The following TTN variants were observed in gnomAD, a reference collection of about 807,000 sequenced individuals.
The protein encoded by TTN is connectin.
Under a neutral mutation model 3,223.0 loss-of-function variants are expected in TTN, and 1,525 were observed. The ratio of observed to expected loss-of-function variants is 0.47; its 90% CI spans 0.45 to 0.49. The LOEUF (loss-of-function observed/expected upper bound fraction) is 0.49, where lower values mean the gene tolerates loss of function less well. Among genes scored for constraint, TTN ranks in the 20% least tolerant of loss-of-function variants. The pLI is 0.00. For missense variants in TTN, 40,786 were observed against 43,424.0 expected (o/e 0.94, Z 5.40); for synonymous variants, 14,094 against 15,161.0 (o/e 0.93, Z 5.17).
rs1553623071 is a variant in TTN, at chr2:178,580,008, GGAA to G, written c.67276_67278del (p.Phe22426del). Reference sequence around the variant, plus strand: ...CCATACTCATTTTCAGCAAACACTCGGAAGAAGTAGGATTTTCCCTCCTCCAAA... The same window carrying G: ...CCATACTCATTTTCAGCAAACACTCGGAAGTAGGATTTTCCCTCCTCCAAA... On this transcript the variant is annotated inframe_deletion, in exon 318 of 363. Transcript: ENST00000589042. The G allele has an allele frequency of 5.0e-6, 8 of 1,613,274 alleles. No homozygotes were observed. Among genetic ancestry groups the G allele is most frequent in the Non-Finnish European group, 6.8e-6 (8 of 1,179,496 alleles).
chr2:178,638,013 CA>C (rs1215132131), intron 223 of TTN, among the ~76,000 whole-genome samples: 3 of 151,968 alleles, frequency 2.0e-5, no homozygotes, highest in African/African-American at 7.2e-5. Context: ...AATACAGGGA[CA>C]GTATAAACTG....
Position 178,725,358 on chromosome 2 carries a change from T to C in TTN, c.20836+10A>G, listed in dbSNP as rs2079156632. The C allele has an allele frequency of 1.3e-6, 2 of 1,502,222 alleles. No homozygotes were observed. Among genetic ancestry groups the C allele is most frequent in the East Asian group, 2.3e-5 (1 of 42,612 alleles). The allele number at this position is 1,502,222 out of a possible 1,614,324, so 93.1% of individuals were successfully genotyped here. A position where few individuals can be genotyped will look rare whatever the true frequency, so the allele number is the denominator to read the frequency against. On this transcript the variant is annotated intron_variant, in intron 71 of 362. Transcript: ENST00000589042. The stretch of plus-strand genomic sequence containing the variant: ...TGGCACCAGTTTCTATCGTGGGCTA[T>C]TGTACCAACCTAAGACCATCAGTGT...
chr2:178,561,762 C>T lies in TTN; in HGVS notation c.84370G>A (p.Glu28124Lys), dbSNP rs1295072546. The part of the protein sequence containing the change: ...IKIVRLTTGS[E>K]YQFRVCAENR... Reference sequence around the variant, plus strand: ...TCTGCACAAACACGGAACTGATACTCACTTCCTGTTGTCAGGCGAACTATT... The same window carrying T: ...TCTGCACAAACACGGAACTGATACTTACTTCCTGTTGTCAGGCGAACTATT... Residue 28124 changes from glutamate to lysine, a missense_variant, in exon 326 of 363, where the codon GAG (glutamate) becomes AAG (lysine). Physicochemically the swap from Glu to Lys is moderately conservative, Grantham distance 56 (BLOSUM62 1). Coordinates refer to ENST00000589042, the MANE Select transcript of TTN (RefSeq NM_001267550.2). The T allele has an allele frequency of 1.2e-6, 2 of 1,613,612 alleles. No individual in the cohort carries two copies. The highest frequency in any genetic ancestry group is 8.5e-7 in the Non-Finnish European group (1 of 1,179,712).
rs2092244300 is a variant in TTN, at chr2:178,776,505, G to A, written c.5359C>T (p.His1787Tyr). 1 of 1,608,490 alleles carries A rather than the reference G, an allele frequency of 6.2e-7. No individual in the cohort carries two copies. The highest frequency in any genetic ancestry group is 8.5e-7 in the Non-Finnish European group (1 of 1,179,988). Residue 1787 changes from histidine (H) to tyrosine (Y), a missense_variant, in exon 28 of 363, where the codon CAC becomes TAC. Transcript: ENST00000589042. Reference sequence around the variant, plus strand: ...TTAACAATAAGGGTAGCAGATGTGTGATCTGTTCCATATTTGTTAGTGGCT... The same window carrying A: ...TTAACAATAAGGGTAGCAGATGTGTAATCTGTTCCATATTTGTTAGTGGCT... ...CRATNKYGTD[H>Y]TSATLIVKDE...
intron 335 of TTN, 106 bp downstream of exon 335, chr2:178,551,524 G>T: frequency 9.9e-7 from 1 of 1,009,466 alleles, no homozygotes; most frequent in Non-Finnish European, 1.4e-6. Flanking sequence ...CTAGTGACAA[G>T]AAGATATGTA....
chr2:178,541,588 C>A lies in TTN; in HGVS notation c.97493-4G>T, dbSNP rs748295736. ...GTTTCTGGGGGTCCAGGAATACCTG[C>A]AGCAAGACAGAGGTTAACACGATAT... On this transcript the variant is annotated splice_polypyrimidine_tract_variant and splice_region_variant and intron_variant, in intron 349 of 362. Transcript: ENST00000589042. The A allele has an allele frequency of 7.5e-6, 12 of 1,601,556 alleles. No homozygotes were observed. The highest frequency in any genetic ancestry group is 9.4e-6 in the Non-Finnish European group (11 of 1,172,712).
rs1704684984 is a variant in TTN at position 178,564,006 on chromosome 2, G to T, written c.82126C>A (p.Pro27376Thr). ...GCAGTAACTCCAGTAACTTTCAGAGGCCCTTCAGGAGGCCCTGGCCTGTCA... is the reference window on the plus strand; with the variant it reads ...GCAGTAACTCCAGTAACTTTCAGAGTCCCTTCAGGAGGCCCTGGCCTGTCA... The part of the protein sequence containing the change: ...VLDRPGPPEG[P>T]LKVTGVTAEK... The change falls in exon 326 of 363, where the codon CCT becomes ACT. Residue 27376 changes from proline to threonine, a missense_variant. By Grantham distance (38) the Pro-to-Thr change is conservative. Transcript: ENST00000589042. The T allele has an allele frequency of 2.5e-6, 4 of 1,613,576 alleles. No individual in the cohort carries two copies. The highest frequency in any genetic ancestry group is 3.4e-6 in the Non-Finnish European group (4 of 1,179,722).
chr2:178,538,419 T>C, intron 354 of TTN, 121 bp downstream of exon 354: 1 of 977,002 alleles, frequency 1.0e-6, no homozygotes, highest in Non-Finnish European at 1.5e-6. Context: ...GTGTACTTGC[T>C]TTTCTTTCTT....
rs201188767 is a variant in TTN at position 178,547,458 on chromosome 2, C to T, written c.94168G>A (p.Gly31390Ser). 2.5e-6 allele frequency: 4 copies of T among 1,611,472 alleles called. No homozygotes were observed. The highest frequency in any genetic ancestry group is 3.4e-6 in the Non-Finnish European group (4 of 1,178,500). ...GCTGATTCTAGAGGTTTGCTGACACCAAATCTGTTCTCTGAACTGACACGG... is the reference window on the plus strand; with the variant it reads ...GCTGATTCTAGAGGTTTGCTGACACTAAATCTGTTCTCTGAACTGACACGG... Reference protein sequence around the residue: ...SFRVSSENRFGVSKPLESAPI... With the variant: ...SFRVSSENRFSVSKPLESAPI... The change falls in exon 339 of 363, where the codon GGT (glycine) becomes AGT (serine). Residue 31390 changes from glycine to serine, a missense_variant. By Grantham distance (56) the Gly-to-Ser change is moderately conservative. Transcript: ENST00000589042.
rs776995255 is a variant in TTN at position 178,559,573 on chromosome 2, A to G, written c.86559T>C (p.Thr28853=). The G allele has an allele frequency of 1.1e-5, 18 of 1,613,744 alleles. No homozygotes were observed. Among genetic ancestry groups the G allele is most frequent in the Non-Finnish European group, 1.4e-5 (17 of 1,179,778 alleles). The change falls in exon 326 of 363, where the codon ACT becomes ACC. Residue 28853 remains threonine (T), a synonymous_variant. Coordinates refer to ENST00000589042, the MANE Select transcript of TTN (RefSeq NM_001267550.2). ...CAGACTCTTTGGTTACATCTTGCAC[A>G]GTAATGTTGGTTGGAGGACCTGGGG... ...LDTPGPPTNI[T]VQDVTKESAV... is the part of the protein sequence containing the mutation.
intron 127 of TTN, among the ~76,000 whole-genome samples, chr2:178,687,314 C>G (rs1052153654): frequency 3.3e-5 from 5 of 152,088 alleles, no homozygotes; most frequent in Non-Finnish European, 2.9e-5. Flanking sequence ...AGCCAGAATG[C>G]TGGATTTTAG....
rs997612485 is a variant in TTN, at chr2:178,582,408, G to A, written c.66048C>T (p.Ser22016=). ...VSATVPITSC[S]VEKLIEGHEY... ...CATGGCCCTCTATAAGTTTCTCCAC[G>A]CTGCAGCTGGTGATAGGCACAGTTG... The change falls in exon 314 of 363, where the codon AGC becomes AGT. Residue 22016 remains serine, a synonymous_variant. Transcript: ENST00000589042. The A allele has an allele frequency of 1.6e-5, 25 of 1,612,802 alleles. No individual in the cohort carries two copies. Among genetic ancestry groups the A allele is most frequent in the South Asian group, 2.2e-5 (2 of 91,016 alleles).
Position 178,650,960 on chromosome 2 carries a change from T to C in TTN, c.39626-126A>G, listed in dbSNP as rs2562846. On this transcript the variant is annotated intron_variant, in intron 208 of 362. Coordinates refer to ENST00000589042, the MANE Select transcript of TTN (RefSeq NM_001267550.2). Reference sequence around the variant, plus strand: ...TCCAAGAACAAATTTCACAATAAGGTCAGTGATCTGTCTTTGGACCCTCAT... The same window carrying C: ...TCCAAGAACAAATTTCACAATAAGGCCAGTGATCTGTCTTTGGACCCTCAT... The C allele has an allele frequency of 0.025, 26,253 of 1,029,846 alleles. 531 individuals carry two copies. The highest frequency in any genetic ancestry group is 0.09 in the East Asian group (3,448 of 38,508). 63.8% of individuals were successfully genotyped at this position (1,029,846 alleles called of 1,614,324 possible). A position where few individuals can be genotyped will look rare whatever the true frequency, so the allele number is the denominator to read the frequency against.
At chr2:178,637,266 AT>A in intron 224 of TTN, 102 bp downstream of exon 224, 3 of 671,614 alleles carry the variant, frequency 4.5e-6, no homozygotes, top group Non-Finnish European at 6.8e-6. Context: ...ATTAGAAAAA[AT>A]AAAAATTGTT....
At position 178,632,523 on chromosome 2, in the gene TTN, T is replaced by A. The variant is rs1471215133; in HGVS notation, c.43480+3A>T. Reference sequence around the variant, plus strand: ...GGGTGGACTATTTGATAAAACTATTTACCTTCAATGATCAGTTTGCCACTT... The same window carrying A: ...GGGTGGACTATTTGATAAAACTATTAACCTTCAATGATCAGTTTGCCACTT... On this transcript the variant is annotated splice_donor_region_variant and intron_variant, in intron 235 of 362. Coordinates refer to ENST00000589042, the MANE Select transcript of TTN (RefSeq NM_001267550.2). 3 of 1,611,674 alleles carry A rather than the reference T, an allele frequency of 1.9e-6. No individual in the cohort carries two copies. Among genetic ancestry groups the A allele is most frequent in the Admixed American group, 3.4e-5 (2 of 59,678 alleles).
At position 178,620,052 on chromosome 2, in the gene TTN, A is replaced by G. The variant is rs2058037288; in HGVS notation, c.46365T>C (p.Asp15455=). The stretch of plus-strand genomic sequence containing the variant: ...CCCCGCAAGCATATTCACACTCATC[A>G]TCCAGCCTGCAATCTTTTATAATGA... ...HRLIIKDCRL[D]DECEYACGVE... is the part of the protein sequence containing the mutation. The change falls in exon 249 of 363, where the codon GAT becomes GAC. Residue 15455 remains aspartate (D), a synonymous_variant. Transcript: ENST00000589042. 6.2e-7 allele frequency: 1 copy of G among 1,611,978 alleles called. No individual in the cohort carries two copies. Among genetic ancestry groups the G allele is most frequent in the East Asian group, 2.2e-5 (1 of 44,634 alleles).
Position 178,725,904 on chromosome 2 carries a change from T to G in TTN, c.20418A>C (p.Lys6806Asn), listed in dbSNP as rs768932465. ...GGAAGTTTTTGGATGCAATCTTGTA[T>G]TTCTTGCTGCTTCTGAGTTGCCGCT... is the stretch of plus-strand genomic sequence containing the variant. The part of the protein sequence containing the change: ...KDKRQLRSSK[K>N]YKIASKNFHT... The change falls in exon 70 of 363, where the codon AAA (lysine) becomes AAC (asparagine). Residue 6806 changes from lysine to asparagine, a missense_variant. Lys to Asn is a moderately conservative substitution (Grantham distance 94). Coordinates refer to ENST00000589042, the MANE Select transcript of TTN (RefSeq NM_001267550.2). 160 of 1,613,206 alleles carry G rather than the reference T, an allele frequency of 9.9e-5. No individual in the cohort carries two copies. The highest frequency in any genetic ancestry group is 3.0e-4 in the Admixed American group (18 of 59,918).
In TTN at chr2:178,558,122, A is replaced by G. The variant is rs745309117; in HGVS notation, c.87232T>C (p.Leu29078=). The change falls in exon 328 of 363, where the codon TTA becomes CTA. Residue 29078 remains leucine (L), a synonymous_variant. Transcript: ENST00000589042. The part of the protein sequence containing the change: ...ISGKPLPKVT[L]SRDGVPLKAT... ...TTAAGGGGGACACCATCTCTTGATA[A>G]GGTCACTTTGGGAAGTGGTTTTCCA... 11 of 1,613,788 alleles carry G rather than the reference A, an allele frequency of 6.8e-6. No homozygotes were observed. Among genetic ancestry groups the G allele is most frequent in the Non-Finnish European group, 8.5e-6 (10 of 1,179,848 alleles).
intron 240 of TTN, among the ~76,000 whole-genome samples, chr2:178,627,553 T>C (rs1037483828): frequency 1.3e-5 from 2 of 151,964 alleles, no homozygotes; most frequent in Non-Finnish European, 2.9e-5. Context: ...GTATTTCGGG[T>C]GCCTAGAGTA....
Sources: gnomAD v4.1 joint callset for allele counts (sites outside exome capture counted in the v4.1 genomes callset) on GRCh38, gnomAD v4.1.1 for gene constraint, MANE v1.5 for transcripts, NCBI Gene and HGNC (gene_info 2026-07-23, HGNC 2026-07-21) for gene names.